NR5A2: variants seen among roughly 807,000 people sequenced by gnomAD.
NR5A2 encodes CYP7A promoter-binding factor.
In NR5A2, 26 loss-of-function variants were observed where a neutral mutation model predicts 62.7. The observed-to-expected ratio is 0.41, with a 90% CI of 0.30 to 0.58. NR5A2 has a LOEUF of 0.58. Ranked by LOEUF, NR5A2 falls within the 20% of genes least tolerant of loss-of-function variation. The pLI, the probability that NR5A2 is intolerant of heterozygous loss-of-function variation, is 0.22. For missense variants in NR5A2, 541 were observed against 669.1 expected, an observed-to-expected ratio of 0.81 and a Z score of 2.11; for synonymous variants, 246 against 241.7, an observed-to-expected ratio of 1.02 and a Z score of -0.16.
chr1:200,161,337 G>A (rs536779934), intron 7 of NR5A2, among the ~76,000 whole-genome samples: 6 of 152,068 alleles, frequency 3.9e-5, no homozygotes, highest in South Asian at 2.1e-4. Context: ...TTGATTTTCC[G>A]TATATTTTAA....
chr1:200,137,640 AAAG>A (rs1667283497), intron 7 of NR5A2, among the ~76,000 whole-genome samples: 2 of 152,318 alleles, frequency 1.3e-5, no homozygotes, highest in African/African-American at 4.8e-5. Context: ...CAATGGAGTG[AAAG>A]AAGAAGGAAT....
chr1:200,053,569 G>GCACACACACACA (rs34611924), intron 5 of NR5A2, among the ~76,000 whole-genome samples: 238 of 142,100 alleles, frequency 1.7e-3, no homozygotes, highest in South Asian at 4.4e-3. Context: ...GCATGCACAC[G>GCACACACACACA]CACACACACA....
intron 5 of NR5A2, among the ~76,000 whole-genome samples, chr1:200,077,672 C>T (rs1326449087): frequency 6.6e-6 from 1 of 152,212 alleles, no homozygotes; most frequent in Non-Finnish European, 1.5e-5. Context: ...CAAGATAGTG[C>T]TACTGCACTC....
intron 7 of NR5A2, among the ~76,000 whole-genome samples, chr1:200,163,936 G>T (rs1181464498): frequency 6.6e-6 from 1 of 152,106 alleles, no homozygotes; most frequent in Non-Finnish European, 1.5e-5. Flanking sequence ...AATCCCCAAT[G>T]CTGGAGGTGG....
intron 5 of NR5A2, among the ~76,000 whole-genome samples, chr1:200,100,607 T>C (rs1440555557): frequency 6.6e-6 from 1 of 152,214 alleles, no homozygotes; most frequent in Non-Finnish European, 1.5e-5. Context: ...CATTAGAAAG[T>C]TGTGCTCTAG....
chr1:200,035,420 A>AT (rs1269828658), intron 1 of NR5A2, among the ~76,000 whole-genome samples: 1 of 151,416 alleles, frequency 6.6e-6, no homozygotes, highest in Non-Finnish European at 1.5e-5. Flanking sequence ...AAATCCTGAT[A>AT]TTTTTTCCCG....
chr1:200,033,920 C>A (rs1328426056), intron 1 of NR5A2, among the ~76,000 whole-genome samples: 1 of 152,146 alleles, frequency 6.6e-6, no homozygotes, highest in East Asian at 1.9e-4. Flanking sequence ...TCTGCGGTCC[C>A]GGCACTCTTT....
At position 200,176,364 on chromosome 1, in the gene NR5A2, G is replaced by A. The variant is rs1334453959; in HGVS notation, c.*2154G>A. On this transcript the variant is annotated 3_prime_UTR_variant, in exon 8 of 8. Transcript: ENST00000367362. ...GAAGGGTACACATTAGGTAAGCTGG[G>A]CGTTGACTCATGCGCAGTCTCAGTC... 3 of 152,562 alleles carry A rather than the reference G, an allele frequency of 2.0e-5. No individual in the cohort carries two copies. The highest frequency in any genetic ancestry group is 1.5e-5 in the Non-Finnish European group (1 of 68,032). The allele number at this position is 152,562 out of a possible 1,614,324, so 9.5% of individuals were successfully genotyped here.
chr1:200,080,839 T>G (rs1458928320), intron 5 of NR5A2, among the ~76,000 whole-genome samples: 3 of 152,218 alleles, frequency 2.0e-5, no homozygotes, highest in Non-Finnish European at 4.4e-5. Flanking sequence ...CAAATACTTT[T>G]CACATATATT....
chr1:200,155,321 A>C (rs1653325289), intron 7 of NR5A2, among the ~76,000 whole-genome samples: 1 of 152,238 alleles, frequency 6.6e-6, no homozygotes, highest in Admixed American at 6.5e-5. Flanking sequence ...CACATTCATT[A>C]AGTTTAAAAT....
At chr1:200,045,153 C>G (rs1189309347) in intron 3 of NR5A2, among the ~76,000 whole-genome samples, 2 of 152,038 alleles carry the variant, frequency 1.3e-5, no homozygotes, top group African/African-American at 2.4e-5. Context: ...AAAAATTTAT[C>G]TATATAGAGT....
At chr1:200,115,449 A>G (rs2102301139) in intron 6 of NR5A2, among the ~76,000 whole-genome samples, 1 of 152,316 alleles carries the variant, frequency 6.6e-6, no homozygotes, top group Admixed American at 6.5e-5. Flanking sequence ...CATGGGAAAA[A>G]GTAAATGGTA....
chr1:200,065,655 T>G (rs1052144755), intron 5 of NR5A2, among the ~76,000 whole-genome samples: 9 of 152,226 alleles, frequency 5.9e-5, no homozygotes, highest in Non-Finnish European at 1.2e-4. Flanking sequence ...ATATATTTAT[T>G]AATTCAACAT....
At chr1:200,043,995 C>A (rs2737636) in intron 3 of NR5A2, 103 bp downstream of exon 3, 56,211 of 694,628 alleles carry the variant, frequency 0.081, 2,890 homozygotes, top group African/African-American at 0.2. Context: ...TTTAAAGACT[C>A]AACTAAAAAT....
At chr1:200,097,323 G>A (rs978959367) in intron 5 of NR5A2, among the ~76,000 whole-genome samples, 9 of 151,948 alleles carry the variant, frequency 5.9e-5, no homozygotes, top group Non-Finnish European at 1.2e-4. Flanking sequence ...AAATCCAAAG[G>A]CAATGGGAAG....
At chr1:200,143,925 C>T (rs1354209551) in intron 7 of NR5A2, among the ~76,000 whole-genome samples, 2 of 152,076 alleles carry the variant, frequency 1.3e-5, no homozygotes, top group Non-Finnish European at 2.9e-5. Flanking sequence ...AGGCATGAGC[C>T]ACCATGCCCG....
intron 5 of NR5A2, among the ~76,000 whole-genome samples, chr1:200,107,940 T>C (rs1333425868): frequency 6.6e-6 from 1 of 151,938 alleles, no homozygotes; most frequent in African/African-American, 2.4e-5. Context: ...CTCAGATTGT[T>C]GTCTTACAAT....
chr1:200,037,065 C>T (rs1306829662), intron 1 of NR5A2, among the ~76,000 whole-genome samples: 1 of 152,194 alleles, frequency 6.6e-6, no homozygotes, highest in Non-Finnish European at 1.5e-5. Flanking sequence ...GCCACCACCA[C>T]TCTCCATCTT....
intron 7 of NR5A2, among the ~76,000 whole-genome samples, chr1:200,148,746 A>G (rs1202896599): frequency 1.3e-5 from 2 of 152,122 alleles, no homozygotes; most frequent in African/African-American, 2.4e-5. Context: ...AATATATTTT[A>G]GTAGCTAAAT....
Sources: gnomAD v4.1 joint callset for allele counts (sites outside exome capture counted in the v4.1 genomes callset) on GRCh38, gnomAD v4.1.1 for gene constraint, MANE v1.5 for transcripts, NCBI Gene and HGNC (gene_info 2026-07-23, HGNC 2026-07-21) for gene names.